PPP1R16B: variants seen among roughly 807,000 people sequenced by gnomAD.
The protein encoded by PPP1R16B is protein phosphatase 1 regulatory inhibitor subunit 16B.
In PPP1R16B, 14 loss-of-function variants were observed where a neutral mutation model predicts 61.7. The ratio of observed to expected loss-of-function variants is 0.23; its 90% CI spans 0.15 to 0.35. The LOEUF (loss-of-function observed/expected upper bound fraction) is 0.35. PPP1R16B is among the 10% of genes least tolerant of loss of function. The pLI is 1.00. For synonymous variants in PPP1R16B, 266 were observed against 305.3 expected, an observed-to-expected ratio of 0.87 and a Z score of 1.34; for missense variants, 547 against 752.5, an observed-to-expected ratio of 0.73 and a Z score of 3.19.
chr20:38,842,737 C>T (rs1436314050), intron 2 of PPP1R16B, among the ~76,000 whole-genome samples: 1 of 152,014 alleles, frequency 6.6e-6, no homozygotes, highest in Non-Finnish European at 1.5e-5. Flanking sequence ...GCCTTGCCAC[C>T]ACCATCTTAA....
Position 38,908,054 on chromosome 20 carries a change from C to G in PPP1R16B, c.1055C>G (p.Ser352Trp). 1 of 1,614,180 alleles carries G rather than the reference C, an allele frequency of 6.2e-7. No individual in the cohort carries two copies. Among genetic ancestry groups the G allele is most frequent in the Non-Finnish European group, 8.5e-7 (1 of 1,180,028 alleles). The change falls in exon 10 of 11, where the codon TCG becomes TGG. Residue 352 changes from serine (S) to tryptophan (W), a missense_variant. Physicochemically the swap from Ser to Trp is radical, Grantham distance 177. Transcript: ENST00000299824. ...RGKVVRRASL[S>W]DRTNLYRKEY... Reference sequence around the variant, plus strand: ...AAGGTGGTGCGGCGAGCCAGCCTGTCGGACAGGACCAACCTGTATAGGAAG... The same window carrying G: ...AAGGTGGTGCGGCGAGCCAGCCTGTGGGACAGGACCAACCTGTATAGGAAG...
intron 10 of PPP1R16B, among the ~76,000 whole-genome samples, chr20:38,908,990 TTTTTTA>T (rs1222152812): frequency 9.2e-5 from 14 of 152,146 alleles, no homozygotes; most frequent in Non-Finnish European, 1.5e-4. Flanking sequence ...TCTGTTTTCT[TTTTTTA>T]TTTTTATTTT....
chr20:38,911,795 C>G (rs1161734726), intron 10 of PPP1R16B, among the ~76,000 whole-genome samples: 1 of 152,140 alleles, frequency 6.6e-6, no homozygotes, highest in African/African-American at 2.4e-5. Flanking sequence ...CCTCGGCCTC[C>G]CAAAGTGTTG....
At chr20:38,895,815 TTCC>T (rs1436596711) in intron 4 of PPP1R16B, 105 bp downstream of exon 4, 11 of 1,173,172 alleles carry the variant, frequency 9.4e-6, no homozygotes, top group African/African-American at 3.2e-5. Context: ...CTCTCCTCCC[TTCC>T]TCCTTCCTTC....
chr20:38,846,085 T>G (rs1289760428), intron 2 of PPP1R16B, among the ~76,000 whole-genome samples: 6 of 152,056 alleles, frequency 3.9e-5, no homozygotes, highest in Admixed American at 6.5e-5. Context: ...ATTTTGAGAC[T>G]GGGAAGATCG....
chr20:38,891,395 A>G (rs2085291317), intron 3 of PPP1R16B, among the ~76,000 whole-genome samples: 1 of 152,236 alleles, frequency 6.6e-6, no homozygotes, highest in African/African-American at 2.4e-5. Flanking sequence ...ATACTGGATA[A>G]ATATTATTAT....
At chr20:38,855,937 TATATATAGAG>T (rs1254219884) in intron 2 of PPP1R16B, among the ~76,000 whole-genome samples, 10 of 37,774 alleles carry the variant, frequency 2.6e-4, no homozygotes, top group East Asian at 8.9e-4. Context: ...TATATATATA[TATATATAGAG>T]AGAGAGAGAG....
Position 38,900,653 on chromosome 20 carries a change from G to C in PPP1R16B, c.540G>C (p.Leu180=), listed in dbSNP as rs145215080. 1.4e-4 allele frequency: 222 copies of C among 1,593,604 alleles called. No homozygotes were observed. The highest frequency in any genetic ancestry group is 1.7e-4 in the Non-Finnish European group (204 of 1,171,808). The change falls in exon 5 of 11, where the codon CTG becomes CTC. Residue 180 remains leucine (L), a synonymous_variant. Transcript: ENST00000299824. ...ACCTCTGCGAGGATGAACCCACCCT[G>C]GATGTCATCGAGACCTGCATGGCAT... ...PYDLCEDEPT[L]DVIETCMAYQ... is the part of the protein sequence containing the mutation.
At chr20:38,917,394 A>T (rs1031297517) in intron 10 of PPP1R16B, among the ~76,000 whole-genome samples, 1 of 151,576 alleles carries the variant, frequency 6.6e-6, no homozygotes, top group African/African-American at 2.4e-5. Context: ...TAGTTTCTTC[A>T]TGTGTCTTTT....
Position 38,902,785 on chromosome 20 carries a change from C to T in PPP1R16B, c.689C>T (p.Ala230Val). 1 of 1,614,186 alleles carries T rather than the reference C, an allele frequency of 6.2e-7. No individual in the cohort carries two copies. The highest frequency in any genetic ancestry group is 8.5e-7 in the Non-Finnish European group (1 of 1,180,026). The change falls in exon 6 of 11, where the codon GCC (alanine) becomes GTC (valine). Residue 230 changes from alanine (A) to valine (V), a missense_variant. Transcript: ENST00000299824. ...CTGGACTGGATAGATGCCCAGGGTG[C>T]CACACTGGTGAGGAGATGGGCCAGT... ...QDLDWIDAQG[A>V]TLLHIAGANG...
At chr20:38,827,845 T>C (rs1041526720) in intron 1 of PPP1R16B, among the ~76,000 whole-genome samples, 4 of 151,752 alleles carry the variant, frequency 2.6e-5, no homozygotes, top group African/African-American at 2.4e-5. Flanking sequence ...AGGGCGGGGG[T>C]GTACATCCTT....
chr20:38,859,017 A>G (rs1367260580), intron 2 of PPP1R16B, among the ~76,000 whole-genome samples: 1 of 152,128 alleles, frequency 6.6e-6, no homozygotes, highest in Non-Finnish European at 1.5e-5. Flanking sequence ...CAGAGCTCCA[A>G]GAGCAAATGT....
chr20:38,848,637 A>G (rs2084949362), intron 2 of PPP1R16B, among the ~76,000 whole-genome samples: 1 of 152,234 alleles, frequency 6.6e-6, no homozygotes, highest in African/African-American at 2.4e-5. Context: ...CCTCAAAAAT[A>G]GATTTCTCCA....
intron 2 of PPP1R16B, among the ~76,000 whole-genome samples, chr20:38,846,599 C>T (rs908233016): frequency 1.1e-4 from 17 of 152,204 alleles, no homozygotes; most frequent in African/African-American, 4.1e-4. Context: ...CTCATATATC[C>T]TATCATGGAT....
At chr20:38,826,266 C>T (rs1425265292) in intron 1 of PPP1R16B, among the ~76,000 whole-genome samples, 3 of 152,146 alleles carry the variant, frequency 2.0e-5, no homozygotes, top group Non-Finnish European at 2.9e-5. Flanking sequence ...ATTTGACTCC[C>T]GTTTCCCCAA....
At chr20:38,828,212 G>A (rs1319100480) in intron 1 of PPP1R16B, among the ~76,000 whole-genome samples, 4 of 152,218 alleles carry the variant, frequency 2.6e-5, no homozygotes. Context: ...CACAAAGCCT[G>A]GGCCCGCTTC....
chr20:38,829,207 C>T (rs1346782443), intron 1 of PPP1R16B, among the ~76,000 whole-genome samples: 1 of 152,178 alleles, frequency 6.6e-6, no homozygotes, highest in East Asian at 1.9e-4. Flanking sequence ...CCTGCTTCCC[C>T]AAGGGTCAAG....
intron 1 of PPP1R16B, among the ~76,000 whole-genome samples, chr20:38,811,881 A>G (rs1470986267): frequency 6.6e-6 from 1 of 152,242 alleles, no homozygotes; most frequent in Non-Finnish European, 1.5e-5. Flanking sequence ...AAGAAAGACT[A>G]CACTGGACGA....
chr20:38,811,841 C>A (rs1318600348), intron 1 of PPP1R16B, among the ~76,000 whole-genome samples: 1 of 152,208 alleles, frequency 6.6e-6, no homozygotes, highest in Non-Finnish European at 1.5e-5. Context: ...AGAAAATGAT[C>A]TGATCCCAAA....
Sources: gnomAD v4.1 joint callset for allele counts (sites outside exome capture counted in the v4.1 genomes callset) on GRCh38, gnomAD v4.1.1 for gene constraint, MANE v1.5 for transcripts, NCBI Gene and HGNC (gene_info 2026-07-23, HGNC 2026-07-21) for gene names.